PKHD1: variants seen among roughly 807,000 people sequenced by gnomAD.
The protein encoded by PKHD1 is PKHD1 ciliary IPT domain containing fibrocystin/polyductin, also known as fibrocystin.
A neutral mutation model predicts 412.0 loss-of-function variants in PKHD1; 291 were observed. That is an observed-to-expected ratio of 0.71 (90% confidence interval 0.64 to 0.78). PKHD1 has a LOEUF of 0.78. Ranked by LOEUF, PKHD1 falls within the 30% of genes least tolerant of loss-of-function variation. PKHD1 has a pLI of 0.00. For synonymous variants in PKHD1, 1,777 were observed against 1,821.5 expected, an observed-to-expected ratio of 0.98 and a Z score of 0.62; for missense variants, 4,825 against 4,950.7, an observed-to-expected ratio of 0.97 and a Z score of 0.76.
chr6:51,872,252 T>C (rs1262270265), intron 46 of PKHD1, among the ~76,000 whole-genome samples: 2 of 152,026 alleles, frequency 1.3e-5, no homozygotes, highest in East Asian at 3.9e-4. Flanking sequence ...GACTGAAAAG[T>C]CCCACTCAGT....
intron 60 of PKHD1, among the ~76,000 whole-genome samples, chr6:51,709,732 T>G (rs1780422903): frequency 6.6e-6 from 1 of 152,204 alleles, no homozygotes; most frequent in Non-Finnish European, 1.5e-5. Flanking sequence ...TGAAATACAT[T>G]GCAAATAACC....
At chr6:51,747,129 G>A (rs566584714) in intron 58 of PKHD1, among the ~76,000 whole-genome samples, 7 of 152,204 alleles carry the variant, frequency 4.6e-5, no homozygotes, top group Non-Finnish European at 1.0e-4. Context: ...GAGCAATATG[G>A]CTTTTCATTT....
At chr6:51,794,935 C>T (rs1000098759) in intron 52 of PKHD1, among the ~76,000 whole-genome samples, 8 of 151,938 alleles carry the variant, frequency 5.3e-5, no homozygotes, top group African/African-American at 1.9e-4. Flanking sequence ...TTACTGTAGC[C>T]CTGCGGTATA....
chr6:51,706,229 T>G, intron 60 of PKHD1, among the ~76,000 whole-genome samples: 1 of 152,116 alleles, frequency 6.6e-6, no homozygotes, highest in East Asian at 1.9e-4. Context: ...CATCCCAATT[T>G]CTTTCTTCTG....
At chr6:52,064,898 G>T in intron 13 of PKHD1, 57 bp downstream of exon 13, 2 of 771,816 alleles carry the variant, frequency 2.6e-6, no homozygotes, top group Middle Eastern at 2.4e-4. Flanking sequence ...CTACTCGCCA[G>T]CCCATCATGA....
chr6:51,711,862 A>C (rs1374639096), intron 60 of PKHD1, among the ~76,000 whole-genome samples: 1 of 152,230 alleles, frequency 6.6e-6, no homozygotes, highest in Admixed American at 6.5e-5. Context: ...ATATTTGCAA[A>C]TATGAGGCAT....
chr6:51,720,099 A>C (rs1469401251), intron 60 of PKHD1, among the ~76,000 whole-genome samples: 2 of 152,274 alleles, frequency 1.3e-5, no homozygotes, highest in Non-Finnish European at 2.9e-5. Context: ...AATCAATTCT[A>C]TTATCCATTA....
intron 64 of PKHD1, among the ~76,000 whole-genome samples, chr6:51,637,173 T>C (rs1465288404): frequency 2.4e-4 from 37 of 152,172 alleles, no homozygotes; most frequent in Admixed American, 2.4e-3. Context: ...CTTAATTAAT[T>C]ACTGAGGTAA....
At chr6:51,849,515 T>C (rs1220888101) in intron 49 of PKHD1, among the ~76,000 whole-genome samples, 1 of 152,206 alleles carries the variant, frequency 6.6e-6, no homozygotes, top group Non-Finnish European at 1.5e-5. Flanking sequence ...CCACCAACAG[T>C]GTAAAAGCGT....
intron 63 of PKHD1, among the ~76,000 whole-genome samples, chr6:51,641,628 A>G (rs1769362122): frequency 6.6e-6 from 1 of 152,184 alleles, no homozygotes; most frequent in African/African-American, 2.4e-5. Context: ...AATAGCAAAG[A>G]CTTGGAATCA....
At chr6:52,022,392 C>G (rs560105900) in intron 33 of PKHD1, among the ~76,000 whole-genome samples, 20 of 152,250 alleles carry the variant, frequency 1.3e-4, no homozygotes, top group Admixed American at 1.2e-3. Context: ...AATCTCCATC[C>G]CTTTACTGGT....
chr6:51,960,757 G>A (rs1269079888), intron 35 of PKHD1, among the ~76,000 whole-genome samples: 1 of 152,134 alleles, frequency 6.6e-6, no homozygotes, highest in African/African-American at 2.4e-5. Flanking sequence ...GAGCTGTACT[G>A]ACAGAAGAAG....
chr6:51,945,542 A>C (rs1223881111), intron 36 of PKHD1, among the ~76,000 whole-genome samples: 1 of 152,260 alleles, frequency 6.6e-6, no homozygotes, highest in African/African-American at 2.4e-5. Flanking sequence ...TGGAGGCACA[A>C]GGCTCATGTT....
At chr6:51,694,148 T>A (rs1778498284) in intron 60 of PKHD1, among the ~76,000 whole-genome samples, 1 of 152,140 alleles carries the variant, frequency 6.6e-6, no homozygotes, top group East Asian at 1.9e-4. Flanking sequence ...GATGCTTTTT[T>A]TTAAATTTTC....
intron 50 of PKHD1, among the ~76,000 whole-genome samples, chr6:51,841,101 G>A (rs1355105253): frequency 2.0e-5 from 3 of 152,174 alleles, no homozygotes; most frequent in Admixed American, 2.0e-4. Flanking sequence ...TAAAGTTCAG[G>A]AAGCACAGTG....
At chr6:51,752,786 T>A (rs1433021529) in intron 57 of PKHD1, among the ~76,000 whole-genome samples, 1 of 152,200 alleles carries the variant, frequency 6.6e-6, no homozygotes, top group Non-Finnish European at 1.5e-5. Context: ...CAGTCTGAAA[T>A]ATGGAAATCA....
At chr6:51,716,743 T>C (rs1353947135) in intron 60 of PKHD1, among the ~76,000 whole-genome samples, 1 of 152,030 alleles carries the variant, frequency 6.6e-6, no homozygotes, top group Non-Finnish European at 1.5e-5. Flanking sequence ...TCCCTGGGCC[T>C]GATATATAGA....
intron 35 of PKHD1, among the ~76,000 whole-genome samples, chr6:51,961,292 C>T (rs866849438): frequency 8.5e-5 from 13 of 152,084 alleles, no homozygotes; most frequent in African/African-American, 3.1e-4. Flanking sequence ...AGATACAAAC[C>T]CCAAGGTCAA....
At chr6:51,980,058 C>G (rs1213965844) in intron 35 of PKHD1, among the ~76,000 whole-genome samples, 1 of 152,128 alleles carries the variant, frequency 6.6e-6, no homozygotes, top group Admixed American at 6.5e-5. Context: ...ATGTATATTA[C>G]AAGTCACTAG....
Sources: allele counts gnomAD v4.1 joint callset (sites outside exome capture counted in the v4.1 genomes callset), GRCh38; gene constraint gnomAD v4.1.1; transcripts MANE v1.5; gene names NCBI Gene and HGNC (gene_info 2026-07-23, HGNC 2026-07-21).